MTHFS: variants seen among roughly 807,000 people sequenced by gnomAD.
The protein encoded by MTHFS is 5-formyltetrahydrofolate cyclo-ligase.
A neutral mutation model predicts 12.7 loss-of-function variants in MTHFS; 7 were observed. The observed-to-expected ratio is 0.55, with a 90% CI of 0.31 to 1.03. MTHFS has a LOEUF of 1.03. Ranked by LOEUF, MTHFS falls within the 50% of genes least tolerant of loss-of-function variation. The probability of loss-of-function intolerance (pLI) is 0.05; values close to 1 mark genes in which losing one functional copy is unlikely to be tolerated. For synonymous variants in MTHFS, 100 were observed against 97.1 expected (o/e 1.03, Z -0.18); for missense variants, 252 against 258.1 (o/e 0.98, Z 0.16).
chr15:79,884,913 ATGCTGTTCCC>A (rs1233988806), intron 2 of MTHFS, among the ~76,000 whole-genome samples: 4 of 152,184 alleles, frequency 2.6e-5, no homozygotes, highest in African/African-American at 9.7e-5. Flanking sequence ...AACCAGGTCC[ATGCTGTTCCC>A]TGCTATACTC....
chr15:79,894,458 T>G (rs1400324967), intron 1 of MTHFS, among the ~76,000 whole-genome samples: 1 of 152,220 alleles, frequency 6.6e-6, no homozygotes, highest in African/African-American at 2.4e-5. Context: ...TATATTTGTT[T>G]GTACAGAGTA....
intron 2 of MTHFS, among the ~76,000 whole-genome samples, chr15:79,859,141 T>C (rs1470788099): frequency 6.6e-6 from 1 of 152,202 alleles, no homozygotes; most frequent in Non-Finnish European, 1.5e-5. Flanking sequence ...CAGAAATCCA[T>C]TTCCCCCAAA....
At chr15:79,884,100 G>T (rs1013621503) in intron 2 of MTHFS, among the ~76,000 whole-genome samples, 1 of 152,160 alleles carries the variant, frequency 6.6e-6, no homozygotes, top group Non-Finnish European at 1.5e-5. Context: ...GATATGTAAG[G>T]TAGGTCTGAG....
chr15:79,845,258 G>T lies in MTHFS; in HGVS notation c.564C>A (p.Asn188Lys). 5 of 1,614,176 alleles carry T rather than the reference G, an allele frequency of 3.1e-6. No individual in the cohort carries two copies. Among genetic ancestry groups the T allele is most frequent in the Non-Finnish European group, 4.2e-6 (5 of 1,180,032 alleles). Residue 188 changes from asparagine to lysine, a missense_variant, in exon 3 of 3, where the codon AAC (asparagine) becomes AAA (lysine). By Grantham distance (94) the Asn-to-Lys change is moderately conservative. Coordinates refer to ENST00000258874, the MANE Select transcript of MTHFS (RefSeq NM_006441.4). ...QICLQVPVNENDMKVDEVLYE... is the reference protein window; with the variant it reads ...QICLQVPVNEKDMKVDEVLYE... ...AAAGGACTTCATCTACCTTCATGTC[G>T]TTTTCATTCACTGGGACCTGGAGGC...
chr15:79,862,918 G>A lies in MTHFS; in HGVS notation c.380-17476C>T, dbSNP rs145045174. Among the ~76,000 whole-genome samples, 27 of 152,152 alleles carry A rather than the reference G, an allele frequency of 1.8e-4. 1 individual carries two copies. In the East Asian group the frequency reaches 5.2e-3, roughly 29 times the overall value. ...AGGGCACACCCCAAGACCATACTCT[G>A]GCAAGTCCTGAATCAATATCTCCTA... is the stretch of plus-strand genomic sequence containing the variant. On this transcript the variant is annotated intron_variant, in intron 2 of 2. Coordinates refer to ENST00000258874, the MANE Select transcript of MTHFS (RefSeq NM_006441.4).
intron 2 of MTHFS, among the ~76,000 whole-genome samples, chr15:79,866,115 A>G (rs2034006754): frequency 6.6e-6 from 1 of 151,258 alleles, no homozygotes; most frequent in African/African-American, 2.4e-5. Context: ...TGTGACAGCG[A>G]TGGTGGCATT....
At chr15:79,874,993 G>A (rs142167611) in intron 2 of MTHFS, among the ~76,000 whole-genome samples, 1 of 152,064 alleles carries the variant, frequency 6.6e-6, no homozygotes, top group Non-Finnish European at 1.5e-5. Context: ...GGGTCCTGAG[G>A]CGACACACAT....
At chr15:79,896,687 G>C in intron 1 of MTHFS, 185 bp downstream of exon 1, 1 of 1,124,978 alleles carries the variant, frequency 8.9e-7, no homozygotes. Flanking sequence ...CCGCCATAGT[G>C]CCAAGAGCGT....
At chr15:79,857,076 A>G (rs898941933) in intron 2 of MTHFS, among the ~76,000 whole-genome samples, 3 of 151,502 alleles carry the variant, frequency 2.0e-5, no homozygotes, top group Non-Finnish European at 4.4e-5. Flanking sequence ...GCTCACTGCA[A>G]CCTCCGCCTC....
At chr15:79,849,958 G>A (rs1274549390) in intron 2 of MTHFS, among the ~76,000 whole-genome samples, 2 of 152,246 alleles carry the variant, frequency 1.3e-5, no homozygotes, top group Non-Finnish European at 2.9e-5. Context: ...TGCTGGCTCT[G>A]AAACAGCAGT....
intron 2 of MTHFS, among the ~76,000 whole-genome samples, chr15:79,867,497 C>A (rs1287807121): frequency 6.7e-6 from 1 of 150,236 alleles, no homozygotes; most frequent in East Asian, 1.9e-4. Flanking sequence ...TTTCTGTAAT[C>A]CAGCTAAATC....
intron 2 of MTHFS, 148 bp from the exon 3 acceptor site, chr15:79,845,590 G>C: frequency 8.8e-7 from 1 of 1,133,396 alleles, no homozygotes; most frequent in Admixed American, 2.9e-5. Context: ...CACAGAGTTG[G>C]ACAAAAAAGG....
At chr15:79,893,697 CAA>C (rs564888275) in intron 1 of MTHFS, among the ~76,000 whole-genome samples, 21 of 56,538 alleles carry the variant, frequency 3.7e-4, no homozygotes, top group Non-Finnish European at 5.0e-4. Flanking sequence ...GACTCCCTCT[CAA>C]AAAAAAAAAA....
intron 1 of MTHFS, among the ~76,000 whole-genome samples, chr15:79,895,832 T>G (rs2034558106): frequency 6.6e-6 from 1 of 152,192 alleles, no homozygotes; most frequent in South Asian, 2.1e-4. Context: ...TATAACTAAT[T>G]CCAAGGAACA....
intron 2 of MTHFS, among the ~76,000 whole-genome samples, chr15:79,868,843 A>G (rs746587044): frequency 6.6e-6 from 1 of 152,204 alleles, no homozygotes; most frequent in Admixed American, 6.5e-5. Context: ...ACATGAGCAA[A>G]TTCATTATAA....
At chr15:79,872,646 G>C (rs1486346757) in intron 2 of MTHFS, among the ~76,000 whole-genome samples, 1 of 152,208 alleles carries the variant, frequency 6.6e-6, no homozygotes, top group African/African-American at 2.4e-5. Flanking sequence ...AGGTTATTTA[G>C]AACTTTCTAC....
intron 2 of MTHFS, among the ~76,000 whole-genome samples, chr15:79,879,150 A>G (rs1271938841): frequency 2.0e-5 from 3 of 152,110 alleles, no homozygotes; most frequent in African/African-American, 7.2e-5. Context: ...TTTCATTTGT[A>G]TCATCCATTA....
rs367885831 is a variant in MTHFS, at chr15:79,856,844, T to C, written c.380-11402A>G. On this transcript the variant is annotated intron_variant, in intron 2 of 2. Transcript: ENST00000258874. ...AGAGTCTAGAGGGCAGTCCATCCTATGCTCACATTCATGTGAGGGTGTACT... is the reference window on the plus strand; with the variant it reads ...AGAGTCTAGAGGGCAGTCCATCCTACGCTCACATTCATGTGAGGGTGTACT... Among the ~76,000 whole-genome samples the C allele has an allele frequency of 7.2e-5, 11 of 152,242 alleles. No homozygotes were observed. The East Asian group carries it at 2.1e-3, about 29-fold the overall frequency.
intron 2 of MTHFS, among the ~76,000 whole-genome samples, chr15:79,882,046 C>A (rs2562744): frequency 0.45 from 68,255 of 152,114 alleles, 16,095 homozygotes; most frequent in Non-Finnish European, 0.52. Context: ...TGTGCAAAAG[C>A]ACATTCCAAA....
Sources: allele counts gnomAD v4.1 joint callset (sites outside exome capture counted in the v4.1 genomes callset), GRCh38; gene constraint gnomAD v4.1.1; transcripts MANE v1.5; gene names NCBI Gene and HGNC (gene_info 2026-07-23, HGNC 2026-07-21).